Variants in TENM1 observed in about 807,000 individuals in gnomAD.
TENM1 encodes the protein teneurin-1.
Under a neutral mutation model 174.8 loss-of-function variants are expected in TENM1, and 35 were observed. The observed-to-expected ratio is 0.20, with a 90% confidence interval of 0.15 to 0.27. TENM1 has a LOEUF of 0.27. Ranked by LOEUF, TENM1 falls within the 10% of genes least tolerant of loss-of-function variation. The pLI is 1.00. For synonymous variants in TENM1, 781 were observed against 798.7 expected, an observed-to-expected ratio of 0.98 and a Z score of 0.37; for missense variants, 1,633 against 2,130.1, an observed-to-expected ratio of 0.77 and a Z score of 4.59.
chrX:124,555,012 A>G (rs1015279910), intron 14 of TENM1, among the ~76,000 whole-genome samples: 1 of 112,321 alleles, frequency 8.9e-6, no homozygotes, highest in Non-Finnish European at 1.9e-5. Context: ...CTCTTACTCT[A>G]CATTTTTTGA....
rs774592580 is a variant in TENM1 at position 124,481,723 on chromosome X, A to T, written c.3949+9T>A. The T allele has an allele frequency of 5.0e-4, 326 of 647,917 alleles. 2 individuals are homozygous for T. The African/African-American group carries it at 6.4e-3, about 13-fold the overall frequency. 53.4% of individuals were successfully genotyped at this position (647,917 alleles called of 1,213,427 possible). On this transcript the variant is annotated intron_variant, in intron 22 of 31. Coordinates refer to ENST00000422452, the Ensembl canonical transcript of TENM1. ...TATATATATATATATTTATTTATTT[A>T]TTTTTTACCTCGAGGGCTATTCAGT... is the stretch of plus-strand genomic sequence containing the variant.
chrX:124,846,651 T>C (rs2056614174), intron 3 of TENM1, among the ~76,000 whole-genome samples: 1 of 111,553 alleles, frequency 9.0e-6, no homozygotes, highest in South Asian at 3.8e-4. Flanking sequence ...GAAAAATAAA[T>C]TAATTCAAAG....
intron 15 of TENM1, among the ~76,000 whole-genome samples, chrX:124,542,060 T>C (rs779907620): frequency 9.8e-5 from 11 of 112,345 alleles, no homozygotes; most frequent in Admixed American, 1.9e-4. Flanking sequence ...GAGAGAAGGA[T>C]TTCCATCTGC....
chrX:124,696,539 T>C (rs1233799700), intron 5 of TENM1, among the ~76,000 whole-genome samples: 6 of 110,907 alleles, frequency 5.4e-5, no homozygotes, highest in Non-Finnish European at 3.8e-5. Flanking sequence ...TCTCTCTCTC[T>C]CCTCTCTCTC....
intron 28 of TENM1, among the ~76,000 whole-genome samples, chrX:124,386,707 G>A (rs1043728877): frequency 8.2e-5 from 9 of 110,165 alleles, no homozygotes; most frequent in Non-Finnish European, 1.7e-4. Flanking sequence ...GTCATCGAAG[G>A]GTTTCTATTT....
chrX:125,132,454 G>A, the TENM1 span, among the ~76,000 whole-genome samples: 2 of 110,373 alleles, frequency 1.8e-5, no homozygotes, highest in Non-Finnish European at 3.8e-5. Context: ...ACTTTCTCTG[G>A]CTCCACCACT....
chrX:125,058,694 G>C, the TENM1 span, among the ~76,000 whole-genome samples: 1 of 110,529 alleles, frequency 9.0e-6, no homozygotes, highest in Non-Finnish European at 1.9e-5. Context: ...TGACTGAAAA[G>C]TCAAGGGACA....
rs1401643692 is a variant in TENM1 at position 124,729,367 on chromosome X, C to T, written c.776+7590G>A. On this transcript the variant is annotated intron_variant, in intron 4 of 31. Transcript: ENST00000422452. ...TTATCTCATTCAGTTCTGAAAACAG[C>T]CCCATGAGGTAGGGTCTGTCATTTT... 3.6e-5 allele frequency among the ~76,000 whole-genome samples: 4 copies of T among 112,050 alleles called. No individual in the cohort carries two copies. In the Admixed American group the frequency reaches 3.8e-4, roughly 11 times the overall value.
intron 3 of TENM1, among the ~76,000 whole-genome samples, chrX:124,741,730 T>A (rs2053803983): frequency 8.9e-6 from 1 of 112,052 alleles, no homozygotes; most frequent in Non-Finnish European, 1.9e-5. Context: ...AAATACCAGA[T>A]GTGGATGGGA....
exon 32 of TENM1, chrX:124,381,280 A>C (rs1478938117): frequency 4.2e-6 from 5 of 1,196,805 alleles, no homozygotes; most frequent in Non-Finnish European, 5.6e-6. Context: ...GTTCACACTG[A>C]ATGCCCAGGA....
chrX:125,175,565 C>T, the TENM1 span, among the ~76,000 whole-genome samples: 2 of 111,205 alleles, frequency 1.8e-5, no homozygotes, highest in Non-Finnish European at 3.8e-5. Context: ...AAATAATCTA[C>T]TTTGATTTCT....
chrX:124,502,884 AGAT>A, intron 19 of TENM1, among the ~76,000 whole-genome samples: 1 of 111,856 alleles, frequency 8.9e-6, no homozygotes, highest in Non-Finnish European at 1.9e-5. Flanking sequence ...GCTATAGTAC[AGAT>A]GAAGTGATAT....
the TENM1 span, among the ~76,000 whole-genome samples, chrX:125,156,316 TTG>T: frequency 9.0e-6 from 1 of 111,481 alleles, no homozygotes; most frequent in Admixed American, 9.5e-5. Context: ...TATGAGTAAA[TTG>T]TGTGTAATGG....
At chrX:124,852,537 G>A (rs1230147283) in intron 3 of TENM1, among the ~76,000 whole-genome samples, 1 of 110,908 alleles carries the variant, frequency 9.0e-6, no homozygotes, top group African/African-American at 3.3e-5. Context: ...AGTAGATGTT[G>A]ATGCCATTAA....
intron 3 of TENM1, among the ~76,000 whole-genome samples, chrX:124,890,950 A>G (rs955645641): frequency 8.9e-6 from 1 of 112,146 alleles, no homozygotes; most frequent in Admixed American, 9.5e-5. Flanking sequence ...TATACATAAT[A>G]TAATATTATT....
At chrX:124,586,592 G>T (rs902045822) in intron 11 of TENM1, among the ~76,000 whole-genome samples, 1 of 109,816 alleles carries the variant, frequency 9.1e-6, no homozygotes, top group African/African-American at 3.4e-5. Flanking sequence ...TACTGAATGG[G>T]CAAAAACTGG....
At chrX:125,077,227 C>T in the TENM1 span, among the ~76,000 whole-genome samples, 3 of 110,730 alleles carry the variant, frequency 2.7e-5, no homozygotes, top group African/African-American at 9.8e-5. Context: ...AGCATCTTAC[C>T]TTATATATAG....
chrX:125,155,744 G>A, the TENM1 span, among the ~76,000 whole-genome samples: 3 of 112,775 alleles, frequency 2.7e-5, no homozygotes, highest in Non-Finnish European at 3.8e-5. Flanking sequence ...TTGCCCGGCC[G>A]GCCACTCCGA....
chrX:124,530,016 C>T (rs1475127210), intron 15 of TENM1, 33 bp from the exon 19 acceptor site: 1 of 1,193,470 alleles, frequency 8.4e-7, no homozygotes, highest in Admixed American at 2.3e-5. Flanking sequence ...AACAGAAAAG[C>T]ATGTTGAGAC....
Sources: gnomAD v4.1 joint callset for allele counts (sites outside exome capture counted in the v4.1 genomes callset) on GRCh38, gnomAD v4.1.1 for gene constraint, MANE v1.5 for transcripts, NCBI Gene and HGNC (gene_info 2026-07-23, HGNC 2026-07-21) for gene names.